TRPM6: variants seen among roughly 807,000 people sequenced by gnomAD.
The protein encoded by TRPM6 is transient receptor potential cation channel subfamily M member 6.
A neutral mutation model predicts 247.6 loss-of-function variants in TRPM6; 111 were observed. The observed-to-expected ratio is 0.45, with a 90% CI of 0.38 to 0.52. The LOEUF (loss-of-function observed/expected upper bound fraction) is 0.52, where lower values mean the gene tolerates loss of function less well. Ranked by LOEUF, TRPM6 falls within the 20% of genes least tolerant of loss-of-function variation. The pLI is 0.00. For synonymous variants in TRPM6, 892 were observed against 853.8 expected (o/e 1.04, Z -0.78); for missense variants, 2,126 against 2,421.5 (o/e 0.88, Z 2.56).
intron 5 of TRPM6, 118 bp from the exon 6 acceptor site, chr9:74,834,240 T>A: frequency 8.1e-7 from 1 of 1,239,122 alleles, no homozygotes; most frequent in Non-Finnish European, 1.2e-6. Context: ...TTAGGGAGAG[T>A]TGCTGGTACA....
chr9:74,872,735 G>A (rs1212481663), intron 1 of TRPM6, among the ~76,000 whole-genome samples: 1 of 151,972 alleles, frequency 6.6e-6, no homozygotes, highest in East Asian at 1.9e-4. Context: ...CTCTCAAAGT[G>A]CTGGAATTAC....
intron 18 of TRPM6, among the ~76,000 whole-genome samples, chr9:74,794,427 A>G (rs1828018789): frequency 6.6e-6 from 1 of 152,080 alleles, no homozygotes; most frequent in Non-Finnish European, 1.5e-5. Context: ...TTATTCAGTC[A>G]TTTATTTCAC....
At chr9:74,792,032 C>T (rs980398907) in intron 19 of TRPM6, among the ~76,000 whole-genome samples, 1 of 152,210 alleles carries the variant, frequency 6.6e-6, no homozygotes, top group Non-Finnish European at 1.5e-5. Flanking sequence ...GCTGGAATTA[C>T]AGGCGTGAGC....
chr9:74,786,244 T>A, intron 20 of TRPM6, 119 bp from the exon 21 acceptor site: 1 of 1,093,974 alleles, frequency 9.1e-7, no homozygotes. Context: ...TGCCAAACCT[T>A]AAATCACTTG....
In TRPM6 at chr9:74,763,067, G is replaced by A. The variant is rs2118844223; in HGVS notation, c.3604C>T (p.Leu1202=). ...TGTCCCACCTGGCTGTCCAAAGACA[G>A]TAAGGAGTCCTTTATAAAAGACACC... is the stretch of plus-strand genomic sequence containing the variant. ...EKVSFIKDSL[L]SLDSQVGHLQ... is the part of the protein sequence containing the mutation. The change falls in exon 26 of 39, where the codon CTG becomes TTG. Residue 1202 remains leucine, a synonymous_variant. Coordinates refer to ENST00000360774, the MANE Select transcript of TRPM6 (RefSeq NM_017662.5). The A allele has an allele frequency of 1.2e-6, 2 of 1,614,084 alleles. No homozygotes were observed.
intron 38 of TRPM6, 139 bp downstream of exon 38, chr9:74,728,100 G>T (rs1825393910): frequency 2.7e-6 from 2 of 746,070 alleles, no homozygotes; most frequent in Middle Eastern, 2.6e-4. Context: ...TGAAAATTTT[G>T]CAGTCAGAGA....
chr9:74,732,840 G>A, intron 36 of TRPM6, 104 bp from the exon 37 acceptor site: 1 of 903,512 alleles, frequency 1.1e-6, no homozygotes, highest in Non-Finnish European at 1.8e-6. Context: ...AAAACTCACA[G>A]TCACTCTGTA....
intron 30 of TRPM6, among the ~76,000 whole-genome samples, chr9:74,749,727 T>C (rs569603697): frequency 1.3e-5 from 2 of 152,350 alleles, no homozygotes; most frequent in South Asian, 2.1e-4. Context: ...ATTACGATTA[T>C]TGTTCAATTT....
At chr9:74,769,424 C>T (rs976725770) in intron 25 of TRPM6, among the ~76,000 whole-genome samples, 5 of 152,126 alleles carry the variant, frequency 3.3e-5, no homozygotes, top group African/African-American at 4.8e-5. Context: ...GTTGGGATTA[C>T]AGGAGTGAGC....
chr9:74,823,668 G>A (rs189769423), intron 7 of TRPM6, among the ~76,000 whole-genome samples: 56 of 152,102 alleles, frequency 3.7e-4, no homozygotes, highest in Non-Finnish European at 6.3e-4. Flanking sequence ...CAAATGAGGC[G>A]GCAAAAATAG....
At chr9:74,768,683 C>A (rs1008225825) in intron 25 of TRPM6, among the ~76,000 whole-genome samples, 1 of 152,158 alleles carries the variant, frequency 6.6e-6, no homozygotes, top group African/African-American at 2.4e-5. Context: ...GTCATATTCA[C>A]CCCTTCTTTT....
chr9:74,822,370 C>T (rs1294787688), intron 7 of TRPM6, among the ~76,000 whole-genome samples: 2 of 151,916 alleles, frequency 1.3e-5, no homozygotes, highest in African/African-American at 4.8e-5. Context: ...CTGTCTCAGC[C>T]TCCTGAGTAG....
chr9:74,857,079 C>A (rs1830551022), intron 2 of TRPM6, among the ~76,000 whole-genome samples: 1 of 151,998 alleles, frequency 6.6e-6, no homozygotes, highest in African/African-American at 2.4e-5. Context: ...TATTCACAGA[C>A]ACAAAATGAG....
rs1831132158 is a variant in TRPM6 at position 74,874,571 on chromosome 9, C to G, written c.33+13253G>C. Among the ~76,000 whole-genome samples the G allele has an allele frequency of 2.6e-5, 4 of 152,108 alleles. No individual in the cohort carries two copies. In the South Asian group the frequency reaches 8.3e-4, roughly 31 times the overall value. On this transcript the variant is annotated intron_variant, in intron 1 of 38. Coordinates refer to ENST00000360774, the MANE Select transcript of TRPM6 (RefSeq NM_017662.5). ...TCACTGGGTTTTGATGCTGAAGATGCTTCTTCAGTATTTAATTTCTTCTGA... is the reference window on the plus strand; with the variant it reads ...TCACTGGGTTTTGATGCTGAAGATGGTTCTTCAGTATTTAATTTCTTCTGA...
intron 1 of TRPM6, among the ~76,000 whole-genome samples, chr9:74,867,353 CACAT>C (rs1355725033): frequency 6.6e-6 from 1 of 152,132 alleles, no homozygotes; most frequent in African/African-American, 2.4e-5. Flanking sequence ...GTCCTTGGAC[CACAT>C]ACAGAGAACT....
intron 12 of TRPM6, 91 bp from the exon 13 acceptor site, chr9:74,810,959 G>T: frequency 1.0e-6 from 1 of 991,500 alleles, no homozygotes; most frequent in Non-Finnish European, 1.6e-6. Context: ...AAGTAACTGA[G>T]AATACTGAAA....
At position 74,840,218 on chromosome 9, in the gene TRPM6, T is replaced by A; in HGVS notation, c.350A>T (p.Asp117Val). The change falls in exon 5 of 39, where the codon GAT becomes GTT. Residue 117 changes from aspartate to valine, a missense_variant. Coordinates refer to ENST00000360774, the MANE Select transcript of TRPM6 (RefSeq NM_017662.5). Reference protein sequence around the residue: ...HHAKYIRTSYDTKLDHLLHLM... With the variant: ...HHAKYIRTSYVTKLDHLLHLM... ...ATGTAACAGATGATCCAGTTTTGTA[T>A]CATAAGAAGTTCTAATATACTGCAA... 2 of 1,613,022 alleles carry A rather than the reference T, an allele frequency of 1.2e-6. No individual in the cohort carries two copies. Among genetic ancestry groups the A allele is most frequent in the East Asian group, 2.2e-5 (1 of 44,860 alleles).
intron 16 of TRPM6, among the ~76,000 whole-genome samples, chr9:74,800,947 AC>A (rs1344252907): frequency 6.7e-6 from 1 of 150,020 alleles, no homozygotes; most frequent in Non-Finnish European, 1.5e-5. Context: ...TCAGAACCCA[AC>A]TAGCAAGTAA....
chr9:74,802,134 T>C lies in TRPM6; in HGVS notation c.1773A>G (p.Lys591=). 6.2e-7 allele frequency: 1 copy of C among 1,614,190 alleles called. No individual in the cohort carries two copies. Among genetic ancestry groups the C allele is most frequent in the Non-Finnish European group, 8.5e-7 (1 of 1,180,014 alleles). ...IVLHKSRKKS[K]EQNVSDDPES... ...CAGGGTCATCTGATACATTTTGTTC[T>C]TTTGACTTCTTCCTTGATTTATGAA... The change falls in exon 16 of 39, where the codon AAA becomes AAG. Residue 591 remains lysine (K), a synonymous_variant. Coordinates refer to ENST00000360774, the MANE Select transcript of TRPM6 (RefSeq NM_017662.5).
Sources: gnomAD v4.1 joint callset for allele counts (sites outside exome capture counted in the v4.1 genomes callset) on GRCh38, gnomAD v4.1.1 for gene constraint, MANE v1.5 for transcripts, NCBI Gene and HGNC (gene_info 2026-07-23, HGNC 2026-07-21) for gene names.